The following ABI3BP variants were observed in gnomAD, a reference collection of about 807,000 sequenced individuals.
ABI3BP encodes the protein ABI family member 3 binding protein.
A neutral mutation model predicts 268.6 loss-of-function variants in ABI3BP; 216 were observed. The observed-to-expected ratio is 0.80, with a 90% CI of 0.72 to 0.90. The LOEUF is 0.90. Among genes scored for constraint, ABI3BP ranks in the 40% least tolerant of loss-of-function variants. The pLI is 0.00. For missense variants in ABI3BP, 2,090 were observed against 2,182.4 expected (o/e 0.96, Z 0.84); for synonymous variants, 730 against 730.0 (o/e 1.00, Z 0.00).
Position 100,874,876 on chromosome 3 carries a change from A to G in ABI3BP, c.875T>C (p.Met292Thr), listed in dbSNP as rs777691675. 1.2e-6 allele frequency: 2 copies of G among 1,601,086 alleles called. No individual in the cohort carries two copies. The highest frequency in any genetic ancestry group is 1.7e-5 in the Admixed American group (1 of 58,666). ...CTTGAGTGCATCTGAAATCTCAAAC[A>G]TTAGGGATGCAGGAAGTTTTACAGT... ...ETTVKLPASLMFEISDALKTQ... is the reference protein window; with the variant it reads ...ETTVKLPASLTFEISDALKTQ... Residue 292 changes from methionine (M) to threonine (T), a missense_variant, in exon 9 of 68, where the codon ATG becomes ACG. Physicochemically the swap from Met to Thr is moderately conservative, Grantham distance 81. Transcript: ENST00000471714.
At position 100,892,170 on chromosome 3, in the gene ABI3BP, T is replaced by C. The variant is rs114174728; in HGVS notation, c.462-5847A>G. Among the ~76,000 whole-genome samples, 621 of 152,224 alleles carry C rather than the reference T, an allele frequency of 4.1e-3. 2 individuals are homozygous for C. Among genetic ancestry groups the C allele is most frequent in the African/African-American group, 0.014 (597 of 41,518 alleles). On this transcript the variant is annotated intron_variant, in intron 4 of 67. Coordinates refer to ENST00000471714, the MANE Select transcript of ABI3BP (RefSeq NM_001375547.2). Reference sequence around the variant, plus strand: ...TGGGGAGCTGGTGGCAATTCCTCAGTAGGTAAATAAAGTTGAGTAGTAATG... The same window carrying C: ...TGGGGAGCTGGTGGCAATTCCTCAGCAGGTAAATAAAGTTGAGTAGTAATG...
At chr3:100,809,110 G>A (rs755784373) in intron 49 of ABI3BP, among the ~76,000 whole-genome samples, 1 of 151,982 alleles carries the variant, frequency 6.6e-6, no homozygotes, top group African/African-American at 2.4e-5. Flanking sequence ...GTATACAATG[G>A]TTTCAGTGGA....
At chr3:100,972,037 C>T (rs979553678) in intron 1 of ABI3BP, among the ~76,000 whole-genome samples, 3 of 151,972 alleles carry the variant, frequency 2.0e-5, no homozygotes, top group African/African-American at 7.2e-5. Flanking sequence ...GTCATCCTTC[C>T]CTTAAGCACT....
chr3:100,850,801 G>A (rs2098829049), intron 15 of ABI3BP, 67 bp from the exon 16 acceptor site: 16 of 1,263,084 alleles, frequency 1.3e-5, no homozygotes, highest in Non-Finnish European at 1.6e-5. Flanking sequence ...ACAAATTCAT[G>A]AGTAATAAAT....
chr3:100,878,516 C>T (rs530555986), intron 6 of ABI3BP, among the ~76,000 whole-genome samples: 5 of 152,214 alleles, frequency 3.3e-5, no homozygotes, highest in South Asian at 4.1e-4. Context: ...AGAGGAATGA[C>T]GCAGATATAA....
chr3:100,859,009 C>T (rs894038125), intron 14 of ABI3BP, among the ~76,000 whole-genome samples: 1 of 151,746 alleles, frequency 6.6e-6, no homozygotes, highest in Non-Finnish European at 1.5e-5. Context: ...TGACTGCATC[C>T]AATTCAGAGC....
intron 1 of ABI3BP, among the ~76,000 whole-genome samples, chr3:100,980,515 G>T (rs1182262965): frequency 6.6e-6 from 1 of 152,124 alleles, no homozygotes; most frequent in Middle Eastern, 3.2e-3. Context: ...AAAGCCAACA[G>T]AACATATAAA....
chr3:100,854,812 T>C (rs1385144915), intron 14 of ABI3BP, among the ~76,000 whole-genome samples: 3 of 151,680 alleles, frequency 2.0e-5, no homozygotes, highest in Non-Finnish European at 4.4e-5. Context: ...CAAAAAATAG[T>C]AATGACTTAC....
At chr3:100,863,706 G>A (rs2099022535) in intron 12 of ABI3BP, 2 of 311,536 alleles carry the variant, frequency 6.4e-6, no homozygotes, top group South Asian at 1.0e-4. Context: ...TCTGTTAAGA[G>A]AGACAATAGA....
intron 2 of ABI3BP, 84 bp downstream of exon 2, chr3:100,926,218 C>A: frequency 1.4e-6 from 2 of 1,415,268 alleles, no homozygotes; most frequent in African/African-American, 1.4e-5. Flanking sequence ...AAAAATAGTT[C>A]TTGACATCAA....
intron 12 of ABI3BP, chr3:100,863,490 A>T (rs2099020188): frequency 6.4e-6 from 1 of 156,296 alleles, no homozygotes; most frequent in South Asian, 2.0e-4. Flanking sequence ...TAATTTTTGT[A>T]TTTTTAATAG....
At position 100,840,083 on chromosome 3, in the gene ABI3BP, T is replaced by G. The variant is rs2098668506; in HGVS notation, c.1886A>C (p.Lys629Thr). 2 of 1,512,554 alleles carry G rather than the reference T, an allele frequency of 1.3e-6. No individual in the cohort carries two copies. The highest frequency in any genetic ancestry group is 5.2e-5 in the East Asian group (2 of 38,814). The allele number at this position is 1,512,554 out of a possible 1,614,324, so 93.7% of individuals were successfully genotyped here. Residue 629 changes from lysine to threonine, a missense_variant, in exon 23 of 68, where the codon AAG becomes ACG. Physicochemically the swap from Lys to Thr is moderately conservative, Grantham distance 78. Coordinates refer to ENST00000471714, the MANE Select transcript of ABI3BP (RefSeq NM_001375547.2). ...AATATCACATTTACCGGGTTTGGAC[T>G]TGGGCACTTCTGGACTAGGTGTGGT... is the stretch of plus-strand genomic sequence containing the variant. ...PKTTPSPEVP[K>T]SKPALEPATI...
Position 100,787,717 on chromosome 3 carries a change from G to A in ABI3BP, c.4162+11C>T, listed in dbSNP as rs1215112543. The A allele has an allele frequency of 6.6e-6, 10 of 1,514,006 alleles. No homozygotes were observed. The highest frequency in any genetic ancestry group is 8.8e-6 in the Non-Finnish European group (10 of 1,135,018). The allele number at this position is 1,514,006 out of a possible 1,614,324, so 93.8% of individuals were successfully genotyped here. A position where few individuals can be genotyped will look rare whatever the true frequency, so the allele number is the denominator to read the frequency against. On this transcript the variant is annotated intron_variant, in intron 57 of 67. Coordinates refer to ENST00000471714, the MANE Select transcript of ABI3BP (RefSeq NM_001375547.2). Reference sequence around the variant, plus strand: ...GACAGGATAAAAAGGAAATACATTTGTGATTATTACCTGTTCCCACTCCAT... The same window carrying A: ...GACAGGATAAAAAGGAAATACATTTATGATTATTACCTGTTCCCACTCCAT...
At chr3:100,825,719 T>A (rs1466875745) in intron 35 of ABI3BP, 66 bp downstream of exon 35, 1 of 1,259,572 alleles carries the variant, frequency 7.9e-7, no homozygotes, top group Non-Finnish European at 1.1e-6. Flanking sequence ...GGATGAAGAC[T>A]GAATGGACTG....
intron 63 of ABI3BP, among the ~76,000 whole-genome samples, chr3:100,761,281 T>C (rs1402616187): frequency 6.6e-6 from 1 of 152,140 alleles, no homozygotes; most frequent in Non-Finnish European, 1.5e-5. Context: ...CCTAAAGAGA[T>C]GAAATTTGCC....
chr3:100,869,330 GTTTTTTTT>G (rs144604645), intron 9 of ABI3BP, among the ~76,000 whole-genome samples: 16 of 49,750 alleles, frequency 3.2e-4, no homozygotes, highest in East Asian at 7.7e-4. Context: ...CTTCTTTTTG[GTTTTTTTT>G]TTTTTTTTTT....
intron 44 of ABI3BP, among the ~76,000 whole-genome samples, chr3:100,814,418 G>A (rs534702748): frequency 2.2e-4 from 34 of 152,142 alleles, no homozygotes; most frequent in African/African-American, 7.9e-4. Flanking sequence ...ATTGATACTT[G>A]TTTTATTTGT....
At chr3:100,828,122 G>A (rs2098421515) in intron 34 of ABI3BP, among the ~76,000 whole-genome samples, 1 of 152,126 alleles carries the variant, frequency 6.6e-6, no homozygotes, top group Admixed American at 6.6e-5. Context: ...CGTAGATCAG[G>A]TCAGAACCTC....
At chr3:100,964,841 C>T (rs766178619) in intron 1 of ABI3BP, among the ~76,000 whole-genome samples, 106 of 152,132 alleles carry the variant, frequency 7.0e-4, no homozygotes, top group Non-Finnish European at 1.5e-3. Flanking sequence ...GCATATTTTC[C>T]CCAAATTCTG....
Sources: allele counts gnomAD v4.1 joint callset (sites outside exome capture counted in the v4.1 genomes callset), GRCh38; gene constraint gnomAD v4.1.1; transcripts MANE v1.5; gene names NCBI Gene and HGNC (gene_info 2026-07-23, HGNC 2026-07-21).